Variants in ACBD6 observed in about 807,000 individuals in gnomAD.
ACBD6 encodes the protein acyl-CoA-binding domain-containing protein 6.
In ACBD6, 28 loss-of-function variants were observed where a neutral mutation model predicts 37.2. The ratio of observed to expected loss-of-function variants is 0.75; its 90% CI spans 0.56 to 1.03. ACBD6 has a LOEUF of 1.03. Ranked by LOEUF, ACBD6 falls within the 50% of genes least tolerant of loss-of-function variation. ACBD6 has a pLI of 0.00. For synonymous variants in ACBD6, 113 were observed against 126.8 expected (o/e 0.89, Z 0.73); for missense variants, 340 against 337.4 (o/e 1.01, Z -0.06).
rs1197824695 is a variant in ACBD6, at chr1:180,502,102, G to A, written c.165C>T (p.Gly55=). ...GCTCCCTGCTGGCCACCTGAATCAG[G>A]CCTTGCAGGTGCGCGGCAGCCTTCT... ...LFEKAAAHLQ[G]LIQVASREQL... is the part of the protein sequence containing the mutation. The change falls in exon 1 of 8, where the codon GGC becomes GGT. Residue 55 remains glycine (G), a synonymous_variant. Transcript: ENST00000367595. The A allele has an allele frequency of 3.1e-6, 5 of 1,613,904 alleles. No individual in the cohort carries two copies. Among genetic ancestry groups the A allele is most frequent in the Non-Finnish European group, 4.2e-6 (5 of 1,179,914 alleles).
chr1:180,330,368 C>T (rs1368291740), intron 6 of ACBD6, among the ~76,000 whole-genome samples: 1 of 151,266 alleles, frequency 6.6e-6, no homozygotes, highest in African/African-American at 2.4e-5. Context: ...TGTGGTGAGC[C>T]ATGATTATAC....
chr1:180,447,208 A>G (rs1452894915), intron 3 of ACBD6, among the ~76,000 whole-genome samples: 1 of 152,202 alleles, frequency 6.6e-6, no homozygotes, highest in Non-Finnish European at 1.5e-5. Context: ...GCCTTTCCTA[A>G]TATTTTTTGT....
chr1:180,374,627 A>G (rs1431992904), intron 6 of ACBD6, among the ~76,000 whole-genome samples: 1 of 152,180 alleles, frequency 6.6e-6, no homozygotes, highest in Non-Finnish European at 1.5e-5. Flanking sequence ...TTCTTTAGAA[A>G]ATCAACAGGT....
chr1:180,443,668 A>T (rs1557873306), intron 3 of ACBD6, among the ~76,000 whole-genome samples: 1 of 152,036 alleles, frequency 6.6e-6, no homozygotes, highest in African/African-American at 2.4e-5. Context: ...GCTGGAGTGC[A>T]GTGGTGCAAT....
rs183512721 is a variant in ACBD6 at position 180,449,766 on chromosome 1, G to T, written c.385-19504C>A. Among the ~76,000 whole-genome samples, 823 of 151,904 alleles carry T rather than the reference G, an allele frequency of 5.4e-3. 7 individuals carry two copies. Among genetic ancestry groups the T allele is most frequent in the African/African-American group, 0.019 (778 of 41,382 alleles). Reference sequence around the variant, plus strand: ...CATCACACACCGGGGCCTGTTGTAGGGTGGGGACAGGGGGAGGGATAGCAT... The same window carrying T: ...CATCACACACCGGGGCCTGTTGTAGTGTGGGGACAGGGGGAGGGATAGCAT... On this transcript the variant is annotated intron_variant, in intron 3 of 7. Coordinates refer to ENST00000367595, the MANE Select transcript of ACBD6 (RefSeq NM_032360.4).
At chr1:180,350,020 A>AC (rs755879467) in intron 6 of ACBD6, among the ~76,000 whole-genome samples, 2 of 70,682 alleles carry the variant, frequency 2.8e-5, no homozygotes, top group African/African-American at 7.9e-5. Flanking sequence ...CTCTCCAGTG[A>AC]CCCTTTTTTT....
intron 6 of ACBD6, among the ~76,000 whole-genome samples, chr1:180,387,191 T>G (rs1653876483): frequency 6.6e-6 from 1 of 152,146 alleles, no homozygotes; most frequent in Non-Finnish European, 1.5e-5. Context: ...CACACTGTAG[T>G]TCAGTTCTCA....
chr1:180,368,719 T>C (rs577335287), intron 6 of ACBD6, among the ~76,000 whole-genome samples: 197 of 149,840 alleles, frequency 1.3e-3, no homozygotes, highest in South Asian at 3.7e-3. Flanking sequence ...TATTTTTTCA[T>C]ATATATATAT....
intron 3 of ACBD6, among the ~76,000 whole-genome samples, chr1:180,475,325 T>C (rs987765098): frequency 2.6e-5 from 4 of 152,198 alleles, no homozygotes; most frequent in African/African-American, 9.6e-5. Context: ...ATTCCTACTT[T>C]GTATCCCCGG....
chr1:180,301,926 T>C (rs1461960703), intron 7 of ACBD6, among the ~76,000 whole-genome samples: 1 of 152,112 alleles, frequency 6.6e-6, no homozygotes, highest in African/African-American at 2.4e-5. Context: ...GCAGTTATGA[T>C]TTAATATTGC....
At chr1:180,298,649 T>C (rs921494774) in intron 7 of ACBD6, among the ~76,000 whole-genome samples, 2 of 152,226 alleles carry the variant, frequency 1.3e-5, no homozygotes, top group African/African-American at 4.8e-5. Flanking sequence ...AATAATTCCC[T>C]AACTTGACAG....
intron 7 of ACBD6, among the ~76,000 whole-genome samples, chr1:180,305,504 C>T (rs145753118): frequency 0.011 from 1,730 of 152,216 alleles, 40 homozygotes; most frequent in African/African-American, 0.039. Flanking sequence ...TGAAAAAATG[C>T]TCATCATCAC....
intron 7 of ACBD6, among the ~76,000 whole-genome samples, chr1:180,310,360 CACAA>C (rs747759768): frequency 4.6e-4 from 70 of 152,194 alleles, no homozygotes; most frequent in Non-Finnish European, 7.9e-4. Flanking sequence ...AACACTGACT[CACAA>C]ACAAACAAAC....
chr1:180,315,923 C>T (rs1650781809), intron 6 of ACBD6, among the ~76,000 whole-genome samples: 1 of 151,950 alleles, frequency 6.6e-6, no homozygotes, highest in African/African-American at 2.4e-5. Flanking sequence ...TGCAACTATG[C>T]TAAGTTTGGG....
At chr1:180,471,934 T>A (rs1212718121) in intron 3 of ACBD6, among the ~76,000 whole-genome samples, 2 of 152,252 alleles carry the variant, frequency 1.3e-5, no homozygotes, top group African/African-American at 4.8e-5. Context: ...CATGGTCTTA[T>A]GCCTCAGCAG....
intron 3 of ACBD6, among the ~76,000 whole-genome samples, chr1:180,433,641 G>C (rs1015444392): frequency 5.9e-5 from 9 of 151,950 alleles, no homozygotes; most frequent in African/African-American, 1.9e-4. Context: ...GCGAGAGTGA[G>C]AGAGTGCGCA....
intron 6 of ACBD6, among the ~76,000 whole-genome samples, chr1:180,396,786 C>A (rs559980288): frequency 6.6e-6 from 1 of 152,124 alleles, no homozygotes; most frequent in Admixed American, 6.5e-5. Context: ...TTTAAAAAAG[C>A]AAAAATAACA....
chr1:180,335,284 G>A (rs1218756346), intron 6 of ACBD6, among the ~76,000 whole-genome samples: 2 of 152,132 alleles, frequency 1.3e-5, no homozygotes, highest in Non-Finnish European at 2.9e-5. Flanking sequence ...ACCCACAAAG[G>A]GAAGCCCGTC....
chr1:180,314,473 G>A (rs10913967), intron 7 of ACBD6, among the ~76,000 whole-genome samples: 6,707 of 152,206 alleles, frequency 0.044, 476 homozygotes, highest in East Asian at 0.3. Flanking sequence ...TTGAACTCCT[G>A]ACCTCAAGTG....
Sources: allele counts gnomAD v4.1 joint callset (sites outside exome capture counted in the v4.1 genomes callset), GRCh38; gene constraint gnomAD v4.1.1; transcripts MANE v1.5; gene names NCBI Gene and HGNC (gene_info 2026-07-23, HGNC 2026-07-21).